The following PCGF5 variants were observed in gnomAD, a reference collection of about 807,000 sequenced individuals.
The protein encoded by PCGF5 is polycomb group RING finger protein 5.
Under a neutral mutation model 44.3 loss-of-function variants are expected in PCGF5, and 9 were observed. The observed-to-expected ratio is 0.20, with a 90% CI of 0.12 to 0.35. The LOEUF is 0.35. Ranked by LOEUF, PCGF5 falls within the 10% of genes least tolerant of loss-of-function variation. The pLI is 1.00. For missense variants in PCGF5, 146 were observed against 305.3 expected (o/e 0.48, Z 3.89); for synonymous variants, 95 against 102.5 (o/e 0.93, Z 0.44).
At chr10:91,171,877 A>G (rs1414796946) in intron 1 of PCGF5, among the ~76,000 whole-genome samples, 2 of 152,156 alleles carry the variant, frequency 1.3e-5, no homozygotes, top group African/African-American at 4.8e-5. Flanking sequence ...TGAGGCCAAA[A>G]TATCAAAATG....
chr10:91,187,958 T>G (rs531158605), intron 1 of PCGF5, among the ~76,000 whole-genome samples: 1 of 151,798 alleles, frequency 6.6e-6, no homozygotes, highest in East Asian at 1.9e-4. Flanking sequence ...TTTTTTTTTT[T>G]ATTTTAAACT....
At chr10:91,182,009 T>G (rs1843826730) in intron 1 of PCGF5, among the ~76,000 whole-genome samples, 1 of 152,190 alleles carries the variant, frequency 6.6e-6, no homozygotes, top group Non-Finnish European at 1.5e-5. Context: ...TTCTTCCTAG[T>G]TCAGTCTTTG....
chr10:91,231,973 G>T (rs1250316427), intron 2 of PCGF5, among the ~76,000 whole-genome samples: 1 of 152,164 alleles, frequency 6.6e-6, no homozygotes, highest in Non-Finnish European at 1.5e-5. Flanking sequence ...CCATTTGGGA[G>T]TTGGACTTAT....
chr10:91,189,076 A>G (rs1379654249), intron 1 of PCGF5, among the ~76,000 whole-genome samples: 1 of 152,158 alleles, frequency 6.6e-6, no homozygotes, highest in Admixed American at 6.5e-5. Context: ...AGGTGTGGAG[A>G]AGGTGGAGTC....
chr10:91,227,890 C>T lies in PCGF5; in HGVS notation c.112+4907C>T, dbSNP rs541214769. 60 of 983,628 alleles carry T rather than the reference C, an allele frequency of 6.1e-5. 2 individuals carry two copies. Among genetic ancestry groups the T allele is most frequent in the African/African-American group, 5.8e-4 (33 of 57,284 alleles). The allele number at this position is 983,628 out of a possible 1,614,324, so 60.9% of individuals were successfully genotyped here. ...AAACTCATCCCCTCTAAGATGTGCC[C>T]TACCACCTGCAGATTTGGGTTAAGT... On this transcript the variant is annotated intron_variant, in intron 2 of 9. Coordinates refer to ENST00000336126, the MANE Select transcript of PCGF5 (RefSeq NM_032373.5).
chr10:91,187,938 T>C (rs776314900), intron 1 of PCGF5, among the ~76,000 whole-genome samples: 35 of 152,098 alleles, frequency 2.3e-4, no homozygotes, highest in Non-Finnish European at 4.4e-4. Context: ...TAATGGCAGA[T>C]GGATGATTCT....
chr10:91,230,687 C>A (rs888816215), intron 2 of PCGF5, among the ~76,000 whole-genome samples: 1 of 152,140 alleles, frequency 6.6e-6, no homozygotes. Context: ...CTCACTGCAA[C>A]CTCCCTACCC....
upstream of PCGF5, among the ~76,000 whole-genome samples, chr10:91,162,489 G>GT (rs1371431756): frequency 6.6e-6 from 1 of 152,136 alleles, no homozygotes; most frequent in East Asian, 1.9e-4. Flanking sequence ...TCCTCCGTCT[G>GT]TGGGGGGAGA....
At chr10:91,178,237 A>C (rs1244714246) in intron 1 of PCGF5, among the ~76,000 whole-genome samples, 2 of 152,230 alleles carry the variant, frequency 1.3e-5, no homozygotes, top group Non-Finnish European at 2.9e-5. Flanking sequence ...TTATATCAAT[A>C]ATGTCTAAAA....
In PCGF5 at chr10:91,282,998, T is replaced by G. The variant is rs1001993948; in HGVS notation, c.*4682T>G. The G allele has an allele frequency of 6.6e-6, 1 of 152,210 alleles. No individual in the cohort carries two copies. The highest frequency in any genetic ancestry group is 6.5e-5 in the Admixed American group (1 of 15,282). 9.4% of individuals were successfully genotyped at this position (152,210 alleles called of 1,614,324 possible). On this transcript the variant is annotated 3_prime_UTR_variant, in exon 10 of 10. Transcript: ENST00000336126. ...GAAAAATATTAAATACACCAGAGACTCAAACCCTTTCAAGGCACACAATAA... is the reference window on the plus strand; with the variant it reads ...GAAAAATATTAAATACACCAGAGACGCAAACCCTTTCAAGGCACACAATAA...
chr10:91,179,178 A>T (rs539759870), intron 1 of PCGF5, among the ~76,000 whole-genome samples: 64 of 152,126 alleles, frequency 4.2e-4, no homozygotes, highest in Non-Finnish European at 7.8e-4. Context: ...TTTGGTTTCA[A>T]GTCATGTACT....
upstream of PCGF5, among the ~76,000 whole-genome samples, chr10:91,218,835 G>C (rs558845262): frequency 1.6e-4 from 25 of 152,102 alleles, no homozygotes; most frequent in Non-Finnish European, 2.9e-4. Flanking sequence ...TCGCCATATT[G>C]GCCAGGCTGG....
chr10:91,251,651 G>A (rs1474927808), intron 6 of PCGF5, among the ~76,000 whole-genome samples: 15 of 151,980 alleles, frequency 9.9e-5, no homozygotes, highest in Non-Finnish European at 1.9e-4. Flanking sequence ...CCATCTAGTG[G>A]CTAATGCCCA....
chr10:91,229,368 C>G (rs1844938853), intron 2 of PCGF5, among the ~76,000 whole-genome samples: 1 of 152,142 alleles, frequency 6.6e-6, no homozygotes. Flanking sequence ...AAAGGTCTTT[C>G]TTGGAAGTGG....
chr10:91,271,446 A>C (rs35222869), intron 8 of PCGF5, among the ~76,000 whole-genome samples, 192 bp from the exon 9 acceptor site: 10,510 of 152,300 alleles, frequency 0.069, 463 homozygotes, highest in African/African-American at 0.11. Flanking sequence ...AATTACTTCA[A>C]GCTAAATTTT....
intron 1 of PCGF5, among the ~76,000 whole-genome samples, chr10:91,178,016 C>T (rs1177564992): frequency 6.6e-6 from 1 of 152,212 alleles, no homozygotes; most frequent in Non-Finnish European, 1.5e-5. Flanking sequence ...ACACTGGGAG[C>T]TGTAGACTGG....
At chr10:91,168,260 T>C (rs1304514494) in intron 1 of PCGF5, among the ~76,000 whole-genome samples, 1 of 151,864 alleles carries the variant, frequency 6.6e-6, no homozygotes, top group African/African-American at 2.4e-5. Flanking sequence ...ATTTGTGGAC[T>C]TGAGGGAGAT....
At chr10:91,272,480 T>A (rs1469028507) in intron 9 of PCGF5, among the ~76,000 whole-genome samples, 2 of 145,730 alleles carry the variant, frequency 1.4e-5, no homozygotes, top group Non-Finnish European at 3.0e-5. Context: ...CAAAAAAAAA[T>A]TATTTTTTTA....
At chr10:91,274,654 A>G (rs1044188275) in intron 9 of PCGF5, among the ~76,000 whole-genome samples, 14 of 152,232 alleles carry the variant, frequency 9.2e-5, no homozygotes, top group African/African-American at 3.4e-4. Context: ...AGTAAAATAG[A>G]TAAATAGAAT....
Sources: allele counts gnomAD v4.1 joint callset (sites outside exome capture counted in the v4.1 genomes callset), GRCh38; gene constraint gnomAD v4.1.1; transcripts MANE v1.5; gene names NCBI Gene and HGNC (gene_info 2026-07-23, HGNC 2026-07-21).